TGIF1: variants seen among roughly 807,000 people sequenced by gnomAD.
TGIF1 encodes homeobox protein TGIF1.
Under a neutral mutation model 19.3 loss-of-function variants are expected in TGIF1, and 4 were observed. That is an observed-to-expected ratio of 0.21 (90% CI 0.10 to 0.47). The LOEUF is 0.47. Among genes scored for constraint, TGIF1 ranks in the 20% least tolerant of loss-of-function variants. The probability of loss-of-function intolerance (pLI) is 0.98; values close to 1 mark genes in which losing one functional copy is unlikely to be tolerated. For missense variants in TGIF1, 275 were observed against 341.4 expected (o/e 0.81, Z 1.53); for synonymous variants, 122 against 129.3 (o/e 0.94, Z 0.38).
upstream of TGIF1, chr18:3,447,777 C>G (rs201903369): frequency 2.8e-4 from 445 of 1,614,212 alleles, 10 homozygotes; most frequent in South Asian, 4.7e-3. Flanking sequence ...TTGGCCCGAT[C>G]AAGCCTGACT....
intron 2 of TGIF1, among the ~76,000 whole-genome samples, chr18:3,424,457 A>C (rs2082443850): frequency 1.3e-5 from 2 of 152,212 alleles, no homozygotes; most frequent in South Asian, 4.1e-4. Flanking sequence ...GGTCATTCTC[A>C]TATCAGCTTC....
At chr18:3,437,499 A>T (rs777156142) in intron 2 of TGIF1, among the ~76,000 whole-genome samples, 1 of 152,210 alleles carries the variant, frequency 6.6e-6, no homozygotes, top group Non-Finnish European at 1.5e-5. Flanking sequence ...CATTTGCAAA[A>T]TAATAAGTGA....
chr18:3,457,415 G>A lies in TGIF1; in HGVS notation c.294G>A (p.Leu98=). 2 of 1,614,204 alleles carry A rather than the reference G, an allele frequency of 1.2e-6. No homozygotes were observed. Among genetic ancestry groups the A allele is most frequent in the Non-Finnish European group, 1.7e-6 (2 of 1,180,046 alleles). Residue 98 remains leucine, a synonymous_variant, in exon 3 of 3, where the codon CTG becomes CTA. Coordinates refer to ENST00000343820, the MANE Select transcript of TGIF1 (RefSeq NM_003244.4). This position sits in a 1 kb window ranked among gnomAD's most constrained non-coding sequence, Gnocchi z 4.9. ...GCCGCAGGCTCCTCCCTGACATGCTGAGAAAGGATGGCAAAGATCCAAATC... is the reference window on the plus strand; with the variant it reads ...GCCGCAGGCTCCTCCCTGACATGCTAAGAAAGGATGGCAAAGATCCAAATC... The part of the protein sequence containing the change: ...NARRRLLPDM[L]RKDGKDPNQF...
At position 3,458,069 on chromosome 18, in the gene TGIF1, A is replaced by G. The variant is rs549486635; in HGVS notation, c.*129A>G. 172 of 800,580 alleles carry G rather than the reference A, an allele frequency of 2.1e-4. No homozygotes were observed. In the African/African-American group the frequency reaches 2.8e-3, roughly 13 times the overall value. 49.6% of individuals were successfully genotyped at this position (800,580 alleles called of 1,614,324 possible). The stretch of plus-strand genomic sequence containing the variant: ...GGGATTGCTAAAACAGCTTCCTGTT[A>G]CTGAGATGTCTTCAATGGAATACAG... On this transcript the variant is annotated 3_prime_UTR_variant, in exon 3 of 3. Coordinates refer to ENST00000343820, the MANE Select transcript of TGIF1 (RefSeq NM_003244.4).
intron 2 of TGIF1, among the ~76,000 whole-genome samples, chr18:3,431,215 G>A (rs2082542653): frequency 1.3e-5 from 2 of 152,198 alleles, no homozygotes; most frequent in Admixed American, 6.5e-5. Context: ...GGGAGGCCGA[G>A]GCAGGCGGAT....
At position 3,451,843 on chromosome 18, in the gene TGIF1, G is replaced by T; in HGVS notation, c.16+1338G>T. The T allele has an allele frequency of 7.2e-7, 1 of 1,393,754 alleles. No individual in the cohort carries two copies. Among genetic ancestry groups the T allele is most frequent in the South Asian group, 1.8e-5 (1 of 54,152 alleles). The allele number at this position is 1,393,754 out of a possible 1,614,324, so 86.3% of individuals were successfully genotyped here. ...ACTCGGGACAGGGAATTGGCCCTGG[G>T]AGAAAACGCGCGGGGGGCGTCCGAG... On this transcript the variant is annotated intron_variant, in intron 1 of 2. Coordinates refer to ENST00000343820, the MANE Select transcript of TGIF1 (RefSeq NM_003244.4). This position sits in a 1 kb window ranked among gnomAD's most constrained non-coding sequence, Gnocchi z 5.4.
chr18:3,435,067 A>T (rs2082597255), intron 2 of TGIF1, among the ~76,000 whole-genome samples: 1 of 152,170 alleles, frequency 6.6e-6, no homozygotes, highest in Admixed American at 6.5e-5. Context: ...ATTTGTATGT[A>T]AGTGTCAAAT....
At chr18:3,453,890 A>C in intron 1 of TGIF1, 1 of 965,376 alleles carries the variant, frequency 1.0e-6, no homozygotes. Context: ...AACAAGTCTT[A>C]ACCGGGAAAC....
chr18:3,416,713 C>T (rs1479786160), intron 1 of TGIF1, among the ~76,000 whole-genome samples: 1 of 152,066 alleles, frequency 6.6e-6, no homozygotes, highest in African/African-American at 2.4e-5. Flanking sequence ...GGGCAGATAA[C>T]CTGAGGTCAG....
chr18:3,425,626 C>T (rs1342470915), intron 2 of TGIF1, among the ~76,000 whole-genome samples: 2 of 152,114 alleles, frequency 1.3e-5, no homozygotes, highest in East Asian at 3.9e-4. Context: ...GCCAACTCAG[C>T]ATACAAGGAC....
chr18:3,459,058 T>TA lies in TGIF1; in HGVS notation c.*1119dup, dbSNP rs1568058506. 1 of 152,206 alleles carries TA rather than the reference T, an allele frequency of 6.6e-6. No individual in the cohort carries two copies. The highest frequency in any genetic ancestry group is 1.5e-5 in the Non-Finnish European group (1 of 68,034). 9.4% of individuals were successfully genotyped at this position (152,206 alleles called of 1,614,324 possible). Reference sequence around the variant, plus strand: ...GAGTTTGTTGGGATAGACAATCACTTACAAAGCCCAGATGGCCAGAAGGGA... The same window carrying TA: ...GAGTTTGTTGGGATAGACAATCACTTAACAAAGCCCAGATGGCCAGAAGGGA... On this transcript the variant is annotated 3_prime_UTR_variant, in exon 3 of 3. Transcript: ENST00000343820.
chr18:3,417,820 C>T (rs753612189), intron 1 of TGIF1, among the ~76,000 whole-genome samples: 5 of 151,886 alleles, frequency 3.3e-5, no homozygotes, highest in African/African-American at 9.7e-5. Context: ...TTATTCTGGC[C>T]GGGTGCAGTG....
chr18:3,446,568 C>T (rs577633654), upstream of TGIF1, among the ~76,000 whole-genome samples: 485 of 152,072 alleles, frequency 3.2e-3, 2 homozygotes, highest in Middle Eastern at 0.014. Flanking sequence ...AAAGGAGGGC[C>T]GGGAAGGGAA....
In TGIF1 at chr18:3,451,924, C is replaced by A. The variant is rs974010562; in HGVS notation, c.16+1419C>A. 2 of 1,534,636 alleles carry A rather than the reference C, an allele frequency of 1.3e-6. No homozygotes were observed. Among genetic ancestry groups the A allele is most frequent in the South Asian group, 1.3e-5 (1 of 78,850 alleles). ...GAGGACTGACAGGTCTAGAGACACG[C>A]GCTGTCTGTTGTGGTGGGCCTCCCG... On this transcript the variant is annotated intron_variant, in intron 1 of 2. Transcript: ENST00000343820. The surrounding 1 kb of genome is among the most constrained non-coding windows in gnomAD (Gnocchi z 5.4).
At position 3,456,766 on chromosome 18, in the gene TGIF1, G is replaced by C. The variant is rs1167358476; in HGVS notation, c.243+186G>C. On this transcript the variant is annotated intron_variant, in intron 2 of 2. Coordinates refer to ENST00000343820, the MANE Select transcript of TGIF1 (RefSeq NM_003244.4). This position sits in a 1 kb window ranked among gnomAD's most constrained non-coding sequence, Gnocchi z 4.2. ...TTAGAGAACACAGAAACACTTGACA[G>C]TCATCTATCAGATAGCATTTCCTTT... 1.4e-6 allele frequency: 1 copy of C among 699,586 alleles called. No individual in the cohort carries two copies. Among genetic ancestry groups the C allele is most frequent in the Admixed American group, 2.1e-5 (1 of 47,460 alleles). The allele number at this position is 699,586 out of a possible 1,614,324, so 43.3% of individuals were successfully genotyped here.
At position 3,433,926 on chromosome 18, in the gene TGIF1, T is replaced by C. The variant is rs2082583092; in HGVS notation, c.-45+15711T>C. ...GTACCACATATACAAAAAAAGTAAA[T>C]GAGGGTTCACAGTCCCAGGTTTATA... On this transcript the variant is annotated intron_variant, in intron 2 of 3. Transcript: ENST00000401449. 2.6e-5 allele frequency among the ~76,000 whole-genome samples: 4 copies of C among 152,280 alleles called. No individual in the cohort carries two copies. In the South Asian group the frequency reaches 8.3e-4, roughly 32 times the overall value.
chr18:3,451,268 A>G lies in TGIF1; in HGVS notation c.16+763A>G, dbSNP rs1262874177. 2.5e-6 allele frequency: 2 copies of G among 787,764 alleles called. No individual in the cohort carries two copies. Among genetic ancestry groups the G allele is most frequent in the African/African-American group, 3.8e-5 (2 of 52,750 alleles). The allele number at this position is 787,764 out of a possible 1,614,324, so 48.8% of individuals were successfully genotyped here. The stretch of plus-strand genomic sequence containing the variant: ...TGTAAGTGCAAAGAGCAAGGCTGTC[A>G]TTGTTTCCACGAAGTGTTCTGGAAG... On this transcript the variant is annotated intron_variant, in intron 1 of 2. Coordinates refer to ENST00000343820, the MANE Select transcript of TGIF1 (RefSeq NM_003244.4). The surrounding 1 kb of genome is among the most constrained non-coding windows in gnomAD (Gnocchi z 5.4).
intron 2 of TGIF1, among the ~76,000 whole-genome samples, chr18:3,420,487 G>T (rs960097235): frequency 6.6e-6 from 1 of 152,008 alleles, no homozygotes; most frequent in Admixed American, 6.6e-5. Context: ...TACAATTAAG[G>T]TACATGTTAA....
rs2049396224 is a variant in TGIF1 at position 3,457,533 on chromosome 18, G to A, written c.412G>A (p.Glu138Lys). The A allele has an allele frequency of 6.2e-7, 1 of 1,614,048 alleles. No homozygotes were observed. The highest frequency in any genetic ancestry group is 1.1e-5 in the South Asian group (1 of 91,084). The change falls in exon 3 of 3, where the codon GAG becomes AAG. Residue 138 changes from glutamate (E) to lysine (K), a missense_variant. Transcript: ENST00000343820. The surrounding 1 kb of genome is among the most constrained non-coding windows in gnomAD (Gnocchi z 4.9). Reference protein sequence around the residue: ...GIKNFMPALEETPFHSCTAGP... With the variant: ...GIKNFMPALEKTPFHSCTAGP... ...CAAAAACTTCATGCCAGCTCTAGAG[G>A]AGACCCCATTTCATTCCTGTACAGC...
Sources: allele counts gnomAD v4.1 joint callset (sites outside exome capture counted in the v4.1 genomes callset), GRCh38; gene constraint gnomAD v4.1.1; non-coding constraint Gnocchi (gnomAD v3.1); transcripts MANE v1.5; gene names NCBI Gene and HGNC (gene_info 2026-07-23, HGNC 2026-07-21).